The following RASSF2 variants were observed in gnomAD, a reference collection of about 807,000 sequenced individuals.
RASSF2 encodes Ras association domain family member 2.
A neutral mutation model predicts 46.3 loss-of-function variants in RASSF2; 34 were observed. The ratio of observed to expected loss-of-function variants is 0.73; its 90% confidence interval spans 0.56 to 0.98. The LOEUF (loss-of-function observed/expected upper bound fraction) is 0.98. Among genes scored for constraint, RASSF2 ranks in the 50% least tolerant of loss-of-function variants. The pLI is 0.00. For missense variants in RASSF2, 364 were observed against 431.2 expected, an observed-to-expected ratio of 0.84 and a Z score of 1.38; for synonymous variants, 158 against 162.5, an observed-to-expected ratio of 0.97 and a Z score of 0.21.
chr20:4,821,913 G>C (rs551809852), intron 2 of RASSF2, among the ~76,000 whole-genome samples: 1 of 152,206 alleles, frequency 6.6e-6, no homozygotes, highest in African/African-American at 2.4e-5. Context: ...CCACGCAAGG[G>C]TCTCTGATCC....
At chr20:4,808,174 A>G (rs1308275629) in intron 2 of RASSF2, among the ~76,000 whole-genome samples, 1 of 152,178 alleles carries the variant, frequency 6.6e-6, no homozygotes, top group Admixed American at 6.5e-5. Flanking sequence ...GGAGACAGGG[A>G]TTCATTCGTT....
In RASSF2 at chr20:4,784,026, A is replaced by C; in HGVS notation, c.*247T>G. The C allele has an allele frequency of 1.8e-6, 1 of 547,432 alleles. No individual in the cohort carries two copies. Among genetic ancestry groups the C allele is most frequent in the Non-Finnish European group, 3.3e-6 (1 of 303,266 alleles). The allele number at this position is 547,432 out of a possible 1,614,324, so 33.9% of individuals were successfully genotyped here. A position where few individuals can be genotyped will look rare whatever the true frequency, so the allele number is the denominator to read the frequency against. On this transcript the variant is annotated 3_prime_UTR_variant, in exon 12 of 12. Coordinates refer to ENST00000379400, the MANE Select transcript of RASSF2 (RefSeq NM_014737.3). ...TGTGTGCACACACATGTACACACAC[A>C]CATTTTGGGTCCTCCTTATAACTAA...
Position 4,795,699 on chromosome 20 carries a change from TAGG to T in RASSF2, c.287+113_287+115del. Reference sequence around the variant, plus strand: ...TAAGGCAGGTGGGCAGTAGAGGTAGTAGGAGGAGGAGCCAGGGTCAGGGCTGGC... The same window carrying T: ...TAAGGCAGGTGGGCAGTAGAGGTAGTAGGAGGAGCCAGGGTCAGGGCTGGC... On this transcript the variant is annotated intron_variant, in intron 5 of 11. Transcript: ENST00000379400. The surrounding 1 kb of genome is among the most constrained non-coding windows in gnomAD (Gnocchi z 4.0). The T allele has an allele frequency of 7.8e-7, 1 of 1,284,658 alleles. No individual in the cohort carries two copies. The highest frequency in any genetic ancestry group is 1.1e-6 in the Non-Finnish European group (1 of 938,106). 79.6% of individuals were successfully genotyped at this position (1,284,658 alleles called of 1,614,324 possible).
intron 2 of RASSF2, among the ~76,000 whole-genome samples, chr20:4,808,126 C>T (rs1205893948): frequency 6.6e-6 from 1 of 152,192 alleles, no homozygotes; most frequent in Non-Finnish European, 1.5e-5. Context: ...TTCAACTGGA[C>T]ACTTCCTCCA....
At chr20:4,813,188 G>T (rs1008571763) in intron 2 of RASSF2, among the ~76,000 whole-genome samples, 1 of 152,088 alleles carries the variant, frequency 6.6e-6, no homozygotes, top group Non-Finnish European at 1.5e-5. Context: ...TAACTGACAG[G>T]CACAGCCCCT....
chr20:4,811,992 G>A (rs1023287053), intron 2 of RASSF2, among the ~76,000 whole-genome samples: 2 of 152,168 alleles, frequency 1.3e-5, no homozygotes, highest in Admixed American at 1.3e-4. Flanking sequence ...TGGCAGAGGA[G>A]ATAGTGATCC....
chr20:4,786,161 G>T (rs1925315826), intron 11 of RASSF2, 70 bp downstream of exon 11: 1 of 1,276,304 alleles, frequency 7.8e-7, no homozygotes, highest in Non-Finnish European at 1.1e-6. Context: ...GTCCCTGCGA[G>T]GACCCAGCAG....
intron 10 of RASSF2, 145 bp from the exon 11 acceptor site, chr20:4,786,473 C>T: frequency 1.3e-6 from 1 of 766,410 alleles, no homozygotes; most frequent in Non-Finnish European, 2.3e-6. Context: ...AGCAGCCAAG[C>T]CTCATTCCTC....
At chr20:4,786,149 C>T (rs1925314201) in intron 11 of RASSF2, 82 bp downstream of exon 11, 4 of 1,145,470 alleles carry the variant, frequency 3.5e-6, no homozygotes, top group Admixed American at 1.8e-5. Context: ...CAGCTCAGCA[C>T]AGTCCCTGCG....
chr20:4,798,133 T>C, intron 3 of RASSF2, 48 bp from the exon 4 acceptor site: 1 of 1,607,196 alleles, frequency 6.2e-7, no homozygotes, highest in Non-Finnish European at 8.5e-7. Context: ...CTGAAGCCAC[T>C]TATAATGCAG....
At chr20:4,792,842 CA>C (rs1926016350) in intron 5 of RASSF2, among the ~76,000 whole-genome samples, 1 of 152,142 alleles carries the variant, frequency 6.6e-6, no homozygotes. Flanking sequence ...GTGGGTGGGG[CA>C]GGGGGAGTTC....
At chr20:4,807,527 A>G (rs1927438198) in intron 2 of RASSF2, among the ~76,000 whole-genome samples, 1 of 152,226 alleles carries the variant, frequency 6.6e-6, no homozygotes, top group South Asian at 2.1e-4. Flanking sequence ...AACTCAATAC[A>G]AGTAATTAAT....
At position 4,819,124 on chromosome 20, in the gene RASSF2, G is replaced by A. The variant is rs370216236; in HGVS notation, c.-33+3205C>T. Among the ~76,000 whole-genome samples, 80 of 152,064 alleles carry A rather than the reference G, an allele frequency of 5.3e-4. 2 individuals are homozygous for A. In the South Asian group the frequency reaches 0.016, roughly 30 times the overall value. Reference sequence around the variant, plus strand: ...ATTACAGGCGCCCGCCACCATGCCCGGATAATTTTCGTATTTTCAGTAGAG... The same window carrying A: ...ATTACAGGCGCCCGCCACCATGCCCAGATAATTTTCGTATTTTCAGTAGAG... On this transcript the variant is annotated intron_variant, in intron 2 of 11. Coordinates refer to ENST00000379400, the MANE Select transcript of RASSF2 (RefSeq NM_014737.3).
At chr20:4,785,155 C>CAAAAAAAAAAAA (rs11454727) in intron 11 of RASSF2, among the ~76,000 whole-genome samples, 11 of 92,402 alleles carry the variant, frequency 1.2e-4, no homozygotes, top group South Asian at 4.0e-4. Context: ...ACTAAAAATA[C>CAAAAAAAAAAAA]AAAAAAAAAA....
At chr20:4,808,401 TA>T (rs1183626197) in intron 2 of RASSF2, among the ~76,000 whole-genome samples, 1 of 150,782 alleles carries the variant, frequency 6.6e-6, no homozygotes, top group East Asian at 1.9e-4. Context: ...GGCACAGAAC[TA>T]AAACACCTCA....
At chr20:4,798,845 CA>C (rs35949107) in intron 3 of RASSF2, among the ~76,000 whole-genome samples, 10,731 of 125,846 alleles carry the variant, frequency 0.085, 511 homozygotes, top group African/African-American at 0.12. Flanking sequence ...AACAAACAAA[CA>C]AAAAAAAAAA....
At chr20:4,810,017 G>C (rs1927647485) in intron 2 of RASSF2, among the ~76,000 whole-genome samples, 1 of 152,182 alleles carries the variant, frequency 6.6e-6, no homozygotes, top group Non-Finnish European at 1.5e-5. Context: ...GCATGCAATA[G>C]ATTAAGGGGA....
intron 11 of RASSF2, among the ~76,000 whole-genome samples, chr20:4,785,301 T>G (rs1458621584): frequency 6.6e-6 from 1 of 152,136 alleles, no homozygotes; most frequent in African/African-American, 2.4e-5. Flanking sequence ...ATCGCATCTC[T>G]GCACTCCAGC....
intron 2 of RASSF2, among the ~76,000 whole-genome samples, chr20:4,802,364 C>T (rs185455583): frequency 1.3e-5 from 2 of 152,294 alleles, no homozygotes; most frequent in East Asian, 3.9e-4. Context: ...ACAGACACTA[C>T]TAAGTGTCCC....
Sources: allele counts gnomAD v4.1 joint callset (sites outside exome capture counted in the v4.1 genomes callset), GRCh38; gene constraint gnomAD v4.1.1; non-coding constraint Gnocchi (gnomAD v3.1); transcripts MANE v1.5; gene names NCBI Gene and HGNC (gene_info 2026-07-23, HGNC 2026-07-21).